Variants in LHPP observed in about 807,000 individuals in gnomAD.
The protein encoded by LHPP is hLHPP.
In LHPP, 24 loss-of-function variants were observed where a neutral mutation model predicts 30.3. That is an observed-to-expected ratio of 0.79 (90% CI 0.57 to 1.11). The LOEUF (loss-of-function observed/expected upper bound fraction) is 1.11, where lower values mean the gene tolerates loss of function less well. Ranked by LOEUF, LHPP falls within the 50% of genes most tolerant of loss-of-function variation. The probability of loss-of-function intolerance (pLI) is 0.00; values close to 1 mark genes in which losing one functional copy is unlikely to be tolerated. For synonymous variants in LHPP, 150 were observed against 157.1 expected (o/e 0.95, Z 0.34); for missense variants, 356 against 367.2 (o/e 0.97, Z 0.25).
intron 6 of LHPP, among the ~76,000 whole-genome samples, chr10:124,608,386 T>A (rs1949122878): frequency 6.6e-6 from 1 of 151,734 alleles, no homozygotes; most frequent in Non-Finnish European, 1.5e-5. Context: ...GATTGCTGAG[T>A]TTTCCATTTT....
At position 124,461,870 on chromosome 10, in the gene LHPP, C is replaced by CG; in HGVS notation, c.9dup (p.Trp4ValfsTer14). On this transcript the variant is annotated frameshift_variant, in exon 1 of 7. Coordinates refer to ENST00000368842, the MANE Select transcript of LHPP (RefSeq NM_022126.4). LOFTEE classifies it high-confidence loss of function. ...GGAGCAGGGCCGGGCGCCATGGCAC[C>CG]GTGGGGCAAGCGGCTGGCTGGCGTG... 3 of 1,255,046 alleles carry CG rather than the reference C, an allele frequency of 2.4e-6. No homozygotes were observed. Among genetic ancestry groups the CG allele is most frequent in the Non-Finnish European group, 3.0e-6 (3 of 996,626 alleles). 77.7% of individuals were successfully genotyped at this position (1,255,046 alleles called of 1,614,324 possible). A position where few individuals can be genotyped will look rare whatever the true frequency, so the allele number is the denominator to read the frequency against.
intron 6 of LHPP, among the ~76,000 whole-genome samples, chr10:124,588,760 A>G (rs145307965): frequency 1.0e-3 from 156 of 152,222 alleles, no homozygotes; most frequent in Non-Finnish European, 1.9e-3. Flanking sequence ...CTGCTCCCCC[A>G]ACACTGCCTT....
intron 6 of LHPP, among the ~76,000 whole-genome samples, chr10:124,586,579 C>G (rs75834898): frequency 6.6e-6 from 1 of 152,162 alleles, no homozygotes; most frequent in East Asian, 1.9e-4. Flanking sequence ...CATGAAGGGA[C>G]AGCCAGCAGT....
intron 6 of LHPP, among the ~76,000 whole-genome samples, chr10:124,559,682 C>G (rs1948359926): frequency 6.6e-6 from 1 of 152,282 alleles, no homozygotes. Flanking sequence ...TGAGTGGACT[C>G]TTTTCTCAGT....
intron 6 of LHPP, among the ~76,000 whole-genome samples, chr10:124,558,386 G>A (rs74160931): frequency 0.012 from 1,887 of 152,330 alleles, 35 homozygotes; most frequent in African/African-American, 0.044. Flanking sequence ...TCCAGATGAG[G>A]GCGACAGGAG....
chr10:124,560,807 G>A (rs979887156), intron 6 of LHPP, among the ~76,000 whole-genome samples: 1 of 152,172 alleles, frequency 6.6e-6, no homozygotes, highest in African/African-American at 2.4e-5. Context: ...GCATCTGTCA[G>A]AGACACATGA....
intron 6 of LHPP, among the ~76,000 whole-genome samples, chr10:124,611,921 C>T (rs1381913076): frequency 6.6e-6 from 1 of 152,174 alleles, no homozygotes; most frequent in Non-Finnish European, 1.5e-5. Context: ...TGGGCCAGGC[C>T]GTGGGGAGAT....
chr10:124,516,942 T>C (rs1033218674), intron 5 of LHPP, among the ~76,000 whole-genome samples: 8 of 152,172 alleles, frequency 5.3e-5, no homozygotes, highest in Non-Finnish European at 7.3e-5. Context: ...GTCTGCTGAT[T>C]GATTTCAAAT....
intron 1 of LHPP, among the ~76,000 whole-genome samples, chr10:124,470,307 C>T (rs757092357): frequency 5.3e-5 from 8 of 152,108 alleles, no homozygotes; most frequent in African/African-American, 1.2e-4. Context: ...AGGCCCGGCT[C>T]GGCGTTTTTG....
At chr10:124,483,924 G>A (rs548739404) in intron 1 of LHPP, among the ~76,000 whole-genome samples, 2 of 152,116 alleles carry the variant, frequency 1.3e-5, no homozygotes, top group East Asian at 1.9e-4. Flanking sequence ...AGTTGTCGGG[G>A]CGTGGTATGG....
chr10:124,570,203 T>C (rs10751595), intron 6 of LHPP, among the ~76,000 whole-genome samples: 110,732 of 152,148 alleles, frequency 0.73, 41,734 homozygotes, highest in East Asian at 0.86. Flanking sequence ...TCTGTCCCCA[T>C]GGCACCCACA....
At chr10:124,507,786 T>G (rs866710535) in intron 5 of LHPP, among the ~76,000 whole-genome samples, 205 of 3,802 alleles carry the variant, frequency 0.054, no homozygotes, top group Admixed American at 0.069. Flanking sequence ...GGATAGGGAG[T>G]ATTTCAGGTG....
At chr10:124,467,731 G>GTTGTTGTTGTT (rs1414059843) in intron 1 of LHPP, among the ~76,000 whole-genome samples, 3 of 148,798 alleles carry the variant, frequency 2.0e-5, no homozygotes, top group African/African-American at 5.0e-5. Flanking sequence ...TGTTGTTGTT[G>GTTGTTGTTGTT]TTTTGAGACA....
intron 6 of LHPP, among the ~76,000 whole-genome samples, chr10:124,569,605 G>A (rs1252809354): frequency 6.6e-6 from 1 of 152,194 alleles, no homozygotes; most frequent in Non-Finnish European, 1.5e-5. Flanking sequence ...GCCAGGATTT[G>A]CCGAGTGGCT....
chr10:124,537,694 G>A (rs1955062455), intron 6 of LHPP, among the ~76,000 whole-genome samples: 1 of 152,252 alleles, frequency 6.6e-6, no homozygotes, highest in South Asian at 2.1e-4. Flanking sequence ...CAGAAAGCCA[G>A]GTGGCCCAGG....
chr10:124,488,339 A>C, intron 2 of LHPP, 83 bp from the exon 3 acceptor site: 1 of 1,251,074 alleles, frequency 8.0e-7, no homozygotes, highest in Non-Finnish European at 1.2e-6. Flanking sequence ...AGGACATGTG[A>C]AAGGTGTCCC....
chr10:124,591,754 C>G (rs1050158446), intron 6 of LHPP, among the ~76,000 whole-genome samples: 5 of 152,094 alleles, frequency 3.3e-5, no homozygotes, highest in Non-Finnish European at 5.9e-5. Flanking sequence ...TCAGCTGCAT[C>G]CCAACTTCTG....
At chr10:124,543,781 T>A (rs1017346778) in intron 6 of LHPP, among the ~76,000 whole-genome samples, 15 of 3,534 alleles carry the variant, frequency 4.2e-3, no homozygotes, top group African/African-American at 0.023. Context: ...ATTAATATAT[T>A]TTTTTTTCTG....
chr10:124,611,621 C>G (rs1949200010), intron 6 of LHPP, among the ~76,000 whole-genome samples: 2 of 152,008 alleles, frequency 1.3e-5, no homozygotes, highest in South Asian at 4.2e-4. Context: ...CCAGGGACTG[C>G]CCCTGTGGCC....
Sources: gnomAD v4.1 joint callset for allele counts (sites outside exome capture counted in the v4.1 genomes callset) on GRCh38, gnomAD v4.1.1 for gene constraint, MANE v1.5 for transcripts, NCBI Gene and HGNC (gene_info 2026-07-23, HGNC 2026-07-21) for gene names.